The following ZNF485 variants were observed in gnomAD, a reference collection of about 807,000 sequenced individuals.
The protein encoded by ZNF485 is zinc finger protein 485, also known as Zinc finger protein 93 (Zinc finger protein HTF34).
A neutral mutation model predicts 10.8 loss-of-function variants in ZNF485; 9 were observed. The observed-to-expected ratio is 0.83, with a 90% CI of 0.50 to 1.45. The LOEUF (loss-of-function observed/expected upper bound fraction) is 1.45, where lower values mean the gene tolerates loss of function less well. Among genes scored for constraint, ZNF485 ranks in the 40% most tolerant of loss-of-function variants. ZNF485 has a pLI of 0.00. For synonymous variants in ZNF485, 187 were observed against 181.0 expected, an observed-to-expected ratio of 1.03 and a Z score of -0.27; for missense variants, 487 against 528.0, an observed-to-expected ratio of 0.92 and a Z score of 0.76.
intron 4 of ZNF485, among the ~76,000 whole-genome samples, chr10:43,612,394 T>G (rs945228636): frequency 3.9e-5 from 6 of 152,232 alleles, no homozygotes; most frequent in African/African-American, 1.4e-4. Context: ...TTTTTGGTCT[T>G]TCATATTTTT....
At position 43,614,107 on chromosome 10, in the gene ZNF485, C is replaced by T. The variant is rs537300339; in HGVS notation, c.248-2184C>T. Among the ~76,000 whole-genome samples the T allele has an allele frequency of 7.2e-5, 11 of 151,830 alleles. No homozygotes were observed. In the East Asian group the frequency reaches 1.9e-3, roughly 27 times the overall value. Reference sequence around the variant, plus strand: ...GCACACACCTGTAGTCCCAGCTACTCGGGGAGCTAAGACAGGAGAATCACT... The same window carrying T: ...GCACACACCTGTAGTCCCAGCTACTTGGGGAGCTAAGACAGGAGAATCACT... On this transcript the variant is annotated intron_variant, in intron 4 of 4. Coordinates refer to ENST00000361807, the MANE Select transcript of ZNF485 (RefSeq NM_145312.4).
chr10:43,612,528 A>G (rs1214439027), intron 4 of ZNF485, among the ~76,000 whole-genome samples: 2 of 152,152 alleles, frequency 1.3e-5, no homozygotes, highest in Non-Finnish European at 2.9e-5. Flanking sequence ...TTTTTTTGAC[A>G]GTGTTGTCAA....
intron 4 of ZNF485, among the ~76,000 whole-genome samples, chr10:43,613,697 A>C (rs2132351636): frequency 6.6e-6 from 1 of 152,322 alleles, no homozygotes; most frequent in East Asian, 1.9e-4. Flanking sequence ...CTACGTGGCT[A>C]CATTTCTGTT....
Position 43,610,682 on chromosome 10 carries a change from G to A in ZNF485, c.247+1332G>A, listed in dbSNP as rs370054262. 1.9e-3 allele frequency among the ~76,000 whole-genome samples: 283 copies of A among 152,260 alleles called. 1 individual carries two copies. Among genetic ancestry groups the A allele is most frequent in the African/African-American group, 6.5e-3 (272 of 41,540 alleles). On this transcript the variant is annotated intron_variant, in intron 4 of 4. Coordinates refer to ENST00000361807, the MANE Select transcript of ZNF485 (RefSeq NM_145312.4). ...TTTCTTTCATCTGCTTAGAGGACTA[G>A]TAAATCTTTCTACAAAGACTTCACA... is the stretch of plus-strand genomic sequence containing the variant.
intron 4 of ZNF485, among the ~76,000 whole-genome samples, chr10:43,611,073 G>A (rs1838760023): frequency 6.6e-6 from 1 of 151,962 alleles, no homozygotes; most frequent in Non-Finnish European, 1.5e-5. Flanking sequence ...GAGTCTCACT[G>A]TTTCCTAGGC....
chr10:43,616,370 G>A lies in ZNF485; in HGVS notation c.327G>A (p.Thr109=), dbSNP rs1284847132. ...TSEASVLGER[T]KSVMMEKGLD... ...AAGCATCTGTTCTGGGAGAGCGAAC[G>A]AAAAGTGTCATGATGGAAAAAGGCC... Residue 109 remains threonine, a synonymous_variant, in exon 5 of 5, where the codon ACG becomes ACA. Coordinates refer to ENST00000361807, the MANE Select transcript of ZNF485 (RefSeq NM_145312.4). 8 of 1,613,984 alleles carry A rather than the reference G, an allele frequency of 5.0e-6. No homozygotes were observed. The East Asian group carries it at 6.7e-5, about 13-fold the overall frequency.
intron 4 of ZNF485, among the ~76,000 whole-genome samples, chr10:43,611,128 C>CT (rs1838760355): frequency 6.6e-6 from 1 of 152,154 alleles, no homozygotes; most frequent in African/African-American, 2.4e-5. Flanking sequence ...CCTTGACCTC[C>CT]TGGCTCAAGT....
At position 43,616,604 on chromosome 10, in the gene ZNF485, A is replaced by T. The variant is rs376984514; in HGVS notation, c.561A>T (p.Arg187Ser). The change falls in exon 5 of 5, where the codon AGA (arginine) becomes AGT (serine). Residue 187 changes from arginine (R) to serine (S), a missense_variant. Arg to Ser is a moderately radical substitution (Grantham distance 110). Coordinates refer to ENST00000361807, the MANE Select transcript of ZNF485 (RefSeq NM_145312.4). ...TTCATGCAGGCAAACAGCCTTATAG[A>T]TGTATTGAATGTGGGAAGTTCCTGA... The part of the protein sequence containing the change: ...HKVHAGKQPY[R>S]CIECGKFLKK... The T allele has an allele frequency of 9.9e-6, 16 of 1,614,094 alleles. No individual in the cohort carries two copies. The highest frequency in any genetic ancestry group is 1.6e-4 in the Middle Eastern group (1 of 6,084).
Position 43,609,201 on chromosome 10 carries a change from C to G in ZNF485, c.152-54C>G, listed in dbSNP as rs1175487253. The G allele has an allele frequency of 1.2e-5, 17 of 1,396,382 alleles. 1 individual carries two copies. The highest frequency in any genetic ancestry group is 1.4e-5 in the Non-Finnish European group (14 of 993,780). 86.5% of individuals were successfully genotyped at this position (1,396,382 alleles called of 1,614,324 possible). The stretch of plus-strand genomic sequence containing the variant: ...TTGTGCTTGTAACCGCCATCACATT[C>G]CTTTTCATTCATTTTTTTTTTCTTC... On this transcript the variant is annotated intron_variant, in intron 3 of 4. Transcript: ENST00000361807.
intron 4 of ZNF485, among the ~76,000 whole-genome samples, chr10:43,612,940 A>T (rs1838793000): frequency 6.6e-6 from 1 of 152,188 alleles, no homozygotes; most frequent in Admixed American, 6.5e-5. Flanking sequence ...TAATATAAAT[A>T]TTTAAAGCCT....
intron 4 of ZNF485, among the ~76,000 whole-genome samples, chr10:43,610,900 G>A (rs1355007472): frequency 6.6e-6 from 1 of 152,198 alleles, no homozygotes; most frequent in African/African-American, 2.4e-5. Context: ...TAGGTGTGAT[G>A]TATACTTTGT....
At chr10:43,611,985 G>A (rs1838777784) in intron 4 of ZNF485, among the ~76,000 whole-genome samples, 1 of 152,080 alleles carries the variant, frequency 6.6e-6, no homozygotes, top group Admixed American at 6.5e-5. Flanking sequence ...GCTTGTCTTT[G>A]CATCTTTGCA....
chr10:43,617,172 A>C lies in ZNF485; in HGVS notation c.1129A>C (p.Thr377Pro), dbSNP rs1374256388. 6.2e-7 allele frequency: 1 copy of C among 1,614,200 alleles called. No individual in the cohort carries two copies. The highest frequency in any genetic ancestry group is 8.5e-7 in the Non-Finnish European group (1 of 1,180,028). The stretch of plus-strand genomic sequence containing the variant: ...CCTTACTGGACATCAGAGAATTCAT[A>C]CTGGAGAAAAACCCTATCACTGTAA... Reference protein sequence around the residue: ...STLTGHQRIHTGEKPYHCKKC... With the variant: ...STLTGHQRIHPGEKPYHCKKC... Residue 377 changes from threonine to proline, a missense_variant, in exon 5 of 5, where the codon ACT (threonine) becomes CCT (proline). Thr to Pro is a conservative substitution (Grantham distance 38, BLOSUM62 -1). Coordinates refer to ENST00000361807, the MANE Select transcript of ZNF485 (RefSeq NM_145312.4).
rs1484752707 is a variant in ZNF485, at chr10:43,617,170, A to T, written c.1127A>T (p.His376Leu). 1 of 1,614,220 alleles carries T rather than the reference A, an allele frequency of 6.2e-7. No homozygotes were observed. The highest frequency in any genetic ancestry group is 8.5e-7 in the Non-Finnish European group (1 of 1,180,034). The change falls in exon 5 of 5, where the codon CAT (histidine) becomes CTT (leucine). Residue 376 changes from histidine to leucine, a missense_variant. Physicochemically the swap from His to Leu is moderately conservative, Grantham distance 99. Coordinates refer to ENST00000361807, the MANE Select transcript of ZNF485 (RefSeq NM_145312.4). ...SSTLTGHQRI[H>L]TGEKPYHCKK... ...ACCCTTACTGGACATCAGAGAATTC[A>T]TACTGGAGAAAAACCCTATCACTGT...
chr10:43,609,866 G>A (rs746498286), intron 4 of ZNF485, among the ~76,000 whole-genome samples: 3 of 152,012 alleles, frequency 2.0e-5, no homozygotes, highest in Non-Finnish European at 4.4e-5. Flanking sequence ...TTTATTTTAT[G>A]TAGAGATGGA....
At position 43,617,435 on chromosome 10, in the gene ZNF485, T is replaced by C. The variant is rs954330632; in HGVS notation, c.*66T>C. On this transcript the variant is annotated 3_prime_UTR_variant, in exon 5 of 5. Coordinates refer to ENST00000361807, the MANE Select transcript of ZNF485 (RefSeq NM_145312.4). ...CATAGAGGAGACATTAAATAAATTA[T>C]GCATTTAACAGAAATACTCTGTACT... 1.3e-5 allele frequency: 15 copies of C among 1,180,824 alleles called. No homozygotes were observed. The highest frequency in any genetic ancestry group is 2.0e-4 in the Middle Eastern group (1 of 4,942). 73.1% of individuals were successfully genotyped at this position (1,180,824 alleles called of 1,614,324 possible). A position where few individuals can be genotyped will look rare whatever the true frequency, so the allele number is the denominator to read the frequency against.
At chr10:43,607,116 A>G in intron 2 of ZNF485, 42 bp downstream of exon 2, 1 of 1,550,508 alleles carries the variant, frequency 6.4e-7, no homozygotes, top group South Asian at 1.2e-5. Flanking sequence ...CACGTGTTTC[A>G]GCGAGGTGGG....
intron 4 of ZNF485, among the ~76,000 whole-genome samples, chr10:43,612,864 GTTTA>G (rs1838791077): frequency 1.3e-5 from 2 of 151,788 alleles, no homozygotes; most frequent in Non-Finnish European, 1.5e-5. Context: ...CTTTCCTTGG[GTTTA>G]TTTACTTTCT....
rs1838704226 is a variant in ZNF485 at position 43,608,661 on chromosome 10, G to A, written c.72G>A (p.Glu24=). 6.2e-7 allele frequency: 1 copy of A among 1,614,038 alleles called. No individual in the cohort carries two copies. The highest frequency in any genetic ancestry group is 1.7e-5 in the Admixed American group (1 of 60,010). ...TGGCTGTGGCCTTTACCCGGATTGA[G>A]TGGAGACACCTGGATGCTGCTCAGC... The part of the protein sequence containing the change: ...GDVAVAFTRI[E]WRHLDAAQRA... Residue 24 remains glutamate, a synonymous_variant, in exon 3 of 5, where the codon GAG becomes GAA. Transcript: ENST00000361807.
Sources: gnomAD v4.1 joint callset for allele counts (sites outside exome capture counted in the v4.1 genomes callset) on GRCh38, gnomAD v4.1.1 for gene constraint, MANE v1.5 for transcripts, NCBI Gene and HGNC (gene_info 2026-07-23, HGNC 2026-07-21) for gene names.